ADGRL2: variants seen among roughly 807,000 people sequenced by gnomAD.
The protein encoded by ADGRL2 is calcium-independent alpha-latrotoxin receptor 2.
In ADGRL2, 44 loss-of-function variants were observed where a neutral mutation model predicts 157.4. That is an observed-to-expected ratio of 0.28 (90% CI 0.22 to 0.36). The LOEUF (loss-of-function observed/expected upper bound fraction) is 0.36, where lower values mean the gene tolerates loss of function less well. Among genes scored for constraint, ADGRL2 ranks in the 10% least tolerant of loss-of-function variants. ADGRL2 has a pLI of 1.00. For synonymous variants in ADGRL2, 585 were observed against 624.7 expected (o/e 0.94, Z 0.95); for missense variants, 1,510 against 1,768.9 (o/e 0.85, Z 2.63).
chr1:81,471,623 G>A (rs866442204), intron 2 of ADGRL2, among the ~76,000 whole-genome samples: 8 of 152,156 alleles, frequency 5.3e-5, no homozygotes, highest in Admixed American at 1.3e-4. Flanking sequence ...TCATCCAGGC[G>A]TAAACAGTTG....
intron 3 of ADGRL2, among the ~76,000 whole-genome samples, chr1:81,673,763 CG>C (rs1362657786): frequency 6.6e-6 from 1 of 152,010 alleles, no homozygotes; most frequent in African/African-American, 2.4e-5. Flanking sequence ...GTGATCTGCC[CG>C]CCTCGGCCTC....
At chr1:81,869,345 C>T (rs1008293590) in intron 2 of ADGRL2, among the ~76,000 whole-genome samples, 7 of 151,758 alleles carry the variant, frequency 4.6e-5, no homozygotes, top group Admixed American at 2.0e-4. Flanking sequence ...TTAAAAAACA[C>T]GCTTAAAAAA....
At chr1:81,527,433 C>A (rs1202754031) in intron 2 of ADGRL2, among the ~76,000 whole-genome samples, 1 of 152,114 alleles carries the variant, frequency 6.6e-6, no homozygotes, top group African/African-American at 2.4e-5. Flanking sequence ...CGGTCGAAGT[C>A]GAGCACGGTG....
intron 1 of ADGRL2, chr1:81,722,301 A>C (rs115855639): frequency 0.086 from 48,448 of 562,270 alleles, 2,351 homozygotes; most frequent in Non-Finnish European, 0.096. Context: ...TAAAAAAAAA[A>C]GAAAATGCAG....
At chr1:81,953,866 A>G (rs1652615690) in intron 10 of ADGRL2, among the ~76,000 whole-genome samples, 1 of 152,204 alleles carries the variant, frequency 6.6e-6, no homozygotes, top group Non-Finnish European at 1.5e-5. Context: ...TGACAAGAAA[A>G]CAAAAGAACT....
intron 2 of ADGRL2, among the ~76,000 whole-genome samples, chr1:81,522,728 A>G (rs545023364): frequency 1.3e-5 from 2 of 152,336 alleles, no homozygotes; most frequent in East Asian, 3.9e-4. Context: ...TGTAATTCTA[A>G]TACAACAGAT....
intron 2 of ADGRL2, among the ~76,000 whole-genome samples, chr1:81,863,900 T>A (rs1251443927): frequency 6.6e-6 from 1 of 152,184 alleles, no homozygotes; most frequent in African/African-American, 2.4e-5. Flanking sequence ...TGAATTAATC[T>A]GAAGAGCAGT....
chr1:81,864,878 T>G (rs1274335832), intron 2 of ADGRL2, among the ~76,000 whole-genome samples: 1 of 152,012 alleles, frequency 6.6e-6, no homozygotes, highest in Non-Finnish European at 1.5e-5. Flanking sequence ...CCCAGCTACT[T>G]GGGAGGCTGA....
chr1:81,604,593 A>G (rs762508877), intron 3 of ADGRL2, among the ~76,000 whole-genome samples: 7 of 152,202 alleles, frequency 4.6e-5, no homozygotes, highest in Non-Finnish European at 1.0e-4. Context: ...CAAGTGAAAG[A>G]TTTCCTGGGA....
chr1:81,978,583 A>G (rs1660813456), intron 17 of ADGRL2, among the ~76,000 whole-genome samples: 1 of 151,818 alleles, frequency 6.6e-6, no homozygotes, highest in Non-Finnish European at 1.5e-5. Flanking sequence ...AGTGGACAAA[A>G]TGACTGGATA....
intron 1 of ADGRL2, among the ~76,000 whole-genome samples, chr1:81,714,825 T>C (rs2084054687): frequency 6.6e-6 from 1 of 152,030 alleles, no homozygotes; most frequent in African/African-American, 2.4e-5. Flanking sequence ...TCCACATTGA[T>C]TCAAGTACAG....
intron 2 of ADGRL2, among the ~76,000 whole-genome samples, chr1:81,884,033 C>T (rs1341439485): frequency 2.0e-5 from 3 of 151,394 alleles, no homozygotes; most frequent in African/African-American, 7.3e-5. Context: ...ACTTTGTCAC[C>T]CAGTCTAGAG....
At chr1:81,745,862 G>C (rs1377689841) in intron 1 of ADGRL2, among the ~76,000 whole-genome samples, 1 of 152,058 alleles carries the variant, frequency 6.6e-6, no homozygotes, top group Admixed American at 6.6e-5. Context: ...TGTAGGTGAG[G>C]TCTCAGTAAA....
chr1:81,892,995 A>G (rs953878963), intron 2 of ADGRL2, among the ~76,000 whole-genome samples: 2 of 152,142 alleles, frequency 1.3e-5, no homozygotes, highest in Non-Finnish European at 2.9e-5. Flanking sequence ...ACTGAAGTTC[A>G]TTTGTAAAGA....
At chr1:81,556,923 CA>C (rs1160749250) in intron 2 of ADGRL2, among the ~76,000 whole-genome samples, 1 of 149,222 alleles carries the variant, frequency 6.7e-6, no homozygotes, top group African/African-American at 2.5e-5. Context: ...TAAAAATACA[CA>C]AAAAATTAGC....
intron 1 of ADGRL2, among the ~76,000 whole-genome samples, chr1:81,367,307 G>T (rs1467790097): frequency 1.3e-5 from 2 of 152,072 alleles, no homozygotes; most frequent in African/African-American, 2.4e-5. Context: ...GTGCTGCAGG[G>T]ATCAACCCAT....
At chr1:81,315,577 C>T (rs1660048030) in intron 1 of ADGRL2, among the ~76,000 whole-genome samples, 2 of 152,052 alleles carry the variant, frequency 1.3e-5, no homozygotes, top group South Asian at 2.1e-4. Context: ...TACCATTTTT[C>T]CCCTGAGGTA....
At chr1:81,944,221 T>A (rs1416586121) in intron 6 of ADGRL2, among the ~76,000 whole-genome samples, 1 of 152,060 alleles carries the variant, frequency 6.6e-6, no homozygotes, top group East Asian at 1.9e-4. Context: ...TGGTGTCTGT[T>A]CTCTCAGTAG....
chr1:81,360,330 G>C (rs1193407787), intron 1 of ADGRL2, among the ~76,000 whole-genome samples: 1 of 151,760 alleles, frequency 6.6e-6, no homozygotes, highest in Non-Finnish European at 1.5e-5. Flanking sequence ...TTTCATCAAA[G>C]AGACTTTTCC....
Sources: allele counts gnomAD v4.1 joint callset (sites outside exome capture counted in the v4.1 genomes callset), GRCh38; gene constraint gnomAD v4.1.1; transcripts MANE v1.5; gene names NCBI Gene and HGNC (gene_info 2026-07-23, HGNC 2026-07-21).